VPS41: variants seen among roughly 807,000 people sequenced by gnomAD.
VPS41 encodes VPS41 subunit of HOPS complex, also known as vacuolar protein sorting-associated protein 41 homolog.
Under a neutral mutation model 130.9 loss-of-function variants are expected in VPS41, and 85 were observed. That is an observed-to-expected ratio of 0.65 (90% CI 0.55 to 0.78). The LOEUF is 0.78. VPS41 is among the 30% of genes least tolerant of loss of function. VPS41 has a pLI of 0.00. For synonymous variants in VPS41, 335 were observed against 332.9 expected, an observed-to-expected ratio of 1.01 and a Z score of -0.07; for missense variants, 874 against 1,018.7, an observed-to-expected ratio of 0.86 and a Z score of 1.93.
At chr7:38,883,198 G>A (rs962127531) in intron 2 of VPS41, among the ~76,000 whole-genome samples, 4 of 152,248 alleles carry the variant, frequency 2.6e-5, no homozygotes, top group African/African-American at 7.2e-5. Context: ...AGCCGAGATC[G>A]GCCGCTGCGC....
chr7:38,748,947 T>C (rs1796040631), intron 22 of VPS41, among the ~76,000 whole-genome samples: 1 of 152,076 alleles, frequency 6.6e-6, no homozygotes, highest in Admixed American at 6.6e-5. Flanking sequence ...TGCACTTTTG[T>C]AGAGATTAAA....
intron 7 of VPS41, among the ~76,000 whole-genome samples, chr7:38,803,902 T>G (rs1013199817): frequency 5.3e-5 from 8 of 152,212 alleles, no homozygotes; most frequent in Admixed American, 3.9e-4. Flanking sequence ...CACCAACAGC[T>G]CTACTGTGTC....
intron 4 of VPS41, among the ~76,000 whole-genome samples, chr7:38,856,217 G>A (rs577818775): frequency 4.3e-4 from 66 of 152,180 alleles, no homozygotes; most frequent in Non-Finnish European, 8.2e-4. Flanking sequence ...AGAGTGCAGT[G>A]GTGCAATTAT....
At chr7:38,887,068 G>C (rs1786748220) in intron 2 of VPS41, among the ~76,000 whole-genome samples, 1 of 152,148 alleles carries the variant, frequency 6.6e-6, no homozygotes, top group Non-Finnish European at 1.5e-5. Context: ...ACAAAGATGG[G>C]GAGAAACCAG....
Position 38,741,246 on chromosome 7 carries a change from C to A in VPS41, c.2259+739G>T, listed in dbSNP as rs1386831622. ...GTAATTTCATCCATTATTAATAAAACCTCATTTTCAAGTAAATTAGAGGAA... is the reference window on the plus strand; with the variant it reads ...GTAATTTCATCCATTATTAATAAAAACTCATTTTCAAGTAAATTAGAGGAA... On this transcript the variant is annotated intron_variant, in intron 25 of 28. Coordinates refer to ENST00000310301, the MANE Select transcript of VPS41 (RefSeq NM_014396.4). 1.1e-5 allele frequency: 3 copies of A among 261,442 alleles called. No homozygotes were observed. In the South Asian group the frequency reaches 1.2e-4, roughly 11 times the overall value. The allele number at this position is 261,442 out of a possible 1,614,324, so 16.2% of individuals were successfully genotyped here. A position where few individuals can be genotyped will look rare whatever the true frequency, so the allele number is the denominator to read the frequency against.
intron 15 of VPS41, among the ~76,000 whole-genome samples, chr7:38,766,775 G>A (rs1288460554): frequency 6.6e-6 from 1 of 152,126 alleles, no homozygotes; most frequent in Admixed American, 6.6e-5. Flanking sequence ...TTGGGCTCTT[G>A]TTCTTCTCCT....
intron 23 of VPS41, among the ~76,000 whole-genome samples, chr7:38,745,104 C>T (rs1277945144): frequency 6.6e-6 from 1 of 152,112 alleles, no homozygotes; most frequent in Non-Finnish European, 1.5e-5. Flanking sequence ...GCCAGAAGAC[C>T]AGGAACACTG....
intron 8 of VPS41, among the ~76,000 whole-genome samples, chr7:38,796,060 A>C (rs1419455813): frequency 2.6e-5 from 4 of 152,152 alleles, no homozygotes; most frequent in Non-Finnish European, 5.9e-5. Context: ...GCTAACTAAA[A>C]ATGAACCAAG....
At chr7:38,889,663 T>C (rs998488784) in intron 2 of VPS41, among the ~76,000 whole-genome samples, 1 of 151,810 alleles carries the variant, frequency 6.6e-6, no homozygotes, top group Non-Finnish European at 1.5e-5. Context: ...TGCAAGCCTA[T>C]CCTTAAAGAG....
intron 25 of VPS41, among the ~76,000 whole-genome samples, chr7:38,734,020 A>C (rs540042221): frequency 6.6e-6 from 1 of 152,272 alleles, no homozygotes; most frequent in East Asian, 1.9e-4. Context: ...CGGGAGGTCA[A>C]GGCTACAGTG....
chr7:38,823,200 C>T (rs1475495936), intron 5 of VPS41, among the ~76,000 whole-genome samples: 1 of 152,100 alleles, frequency 6.6e-6, no homozygotes, highest in African/African-American at 2.4e-5. Context: ...TATAAGAAAG[C>T]TTGGGGTAAC....
At chr7:38,778,080 T>C (rs554622599) in intron 10 of VPS41, among the ~76,000 whole-genome samples, 6 of 152,198 alleles carry the variant, frequency 3.9e-5, no homozygotes, top group South Asian at 2.1e-4. Flanking sequence ...AAAGATGTAA[T>C]AGTTAGCAAC....
chr7:38,804,708 T>G (rs1784805507), intron 7 of VPS41, among the ~76,000 whole-genome samples: 1 of 152,254 alleles, frequency 6.6e-6, no homozygotes, highest in African/African-American at 2.4e-5. Flanking sequence ...ACCTATGCAG[T>G]ATCTACCTAC....
At chr7:38,817,707 G>A (rs569364374) in intron 7 of VPS41, 110 bp downstream of exon 7, 483 of 938,728 alleles carry the variant, frequency 5.1e-4, no homozygotes, top group Non-Finnish European at 5.8e-4. Flanking sequence ...TGTCTTTCTC[G>A]AATTTCTCCT....
intron 1 of VPS41, among the ~76,000 whole-genome samples, chr7:38,904,010 T>C (rs1438514875): frequency 6.6e-6 from 1 of 152,184 alleles, no homozygotes; most frequent in Non-Finnish European, 1.5e-5. Flanking sequence ...TTTGGGGAAT[T>C]AGCTAATACC....
intron 10 of VPS41, among the ~76,000 whole-genome samples, 196 bp downstream of exon 10, chr7:38,789,605 A>C (rs540806985): frequency 6.6e-6 from 1 of 152,294 alleles, no homozygotes; most frequent in South Asian, 2.1e-4. Flanking sequence ...CTGAAGGATG[A>C]TGACAAGATC....
At chr7:38,851,606 T>C (rs1251800372) in intron 4 of VPS41, among the ~76,000 whole-genome samples, 2 of 152,246 alleles carry the variant, frequency 1.3e-5, no homozygotes, top group Non-Finnish European at 2.9e-5. Context: ...TTTGGGACTA[T>C]TACAAATAAA....
At chr7:38,878,480 A>C (rs1029891413) in intron 2 of VPS41, among the ~76,000 whole-genome samples, 4 of 152,208 alleles carry the variant, frequency 2.6e-5, no homozygotes, top group Non-Finnish European at 4.4e-5. Context: ...ACTCCCAAAC[A>C]GTACACCAAA....
chr7:38,753,543 G>A (rs1783726515), intron 21 of VPS41, among the ~76,000 whole-genome samples: 2 of 152,090 alleles, frequency 1.3e-5, no homozygotes, highest in Non-Finnish European at 1.5e-5. Context: ...CATGAATGCT[G>A]AGTCAAATTT....
Sources: gnomAD v4.1 joint callset for allele counts (sites outside exome capture counted in the v4.1 genomes callset) on GRCh38, gnomAD v4.1.1 for gene constraint, MANE v1.5 for transcripts, NCBI Gene and HGNC (gene_info 2026-07-23, HGNC 2026-07-21) for gene names.